SARDH: variants seen among roughly 807,000 people sequenced by gnomAD.
SARDH encodes sarcosine dehydrogenase, mitochondrial.
In SARDH, 95 loss-of-function variants were observed where a neutral mutation model predicts 109.1. The observed-to-expected ratio is 0.87, with a 90% CI of 0.74 to 1.03. SARDH has a LOEUF of 1.03. Ranked by LOEUF, SARDH falls within the 50% of genes least tolerant of loss-of-function variation. The pLI is 0.00. For synonymous variants in SARDH, 572 were observed against 534.8 expected, an observed-to-expected ratio of 1.07 and a Z score of -0.96; for missense variants, 1,267 against 1,287.8, an observed-to-expected ratio of 0.98 and a Z score of 0.25.
intron 20 of SARDH, among the ~76,000 whole-genome samples, chr9:133,665,419 C>T (rs1830029054): frequency 6.6e-6 from 1 of 152,224 alleles, no homozygotes; most frequent in Non-Finnish European, 1.5e-5. Context: ...AGGCCCTGCC[C>T]ACCGTGGGAG....
At chr9:133,664,953 C>T (rs149528929) in intron 20 of SARDH, among the ~76,000 whole-genome samples, 6 of 152,294 alleles carry the variant, frequency 3.9e-5, no homozygotes, top group South Asian at 2.1e-4. Context: ...GAGGCAGAAA[C>T]GCCTTCCCCA....
At chr9:133,705,744 C>G (rs985031994) in intron 11 of SARDH, among the ~76,000 whole-genome samples, 21 of 152,330 alleles carry the variant, frequency 1.4e-4, no homozygotes, top group East Asian at 7.7e-4. Flanking sequence ...TGGACGGAAT[C>G]ACATCCCCAC....
At chr9:133,665,790 C>CCT (rs1435453977) in intron 20 of SARDH, among the ~76,000 whole-genome samples, 5 of 152,230 alleles carry the variant, frequency 3.3e-5, no homozygotes, top group African/African-American at 1.2e-4. Flanking sequence ...CCAGCCTACC[C>CCT]CTCCTCATGG....
chr9:133,663,812 G>A lies in SARDH; in HGVS notation c.*77C>T, dbSNP rs1829961644. 2 of 1,579,042 alleles carry A rather than the reference G, an allele frequency of 1.3e-6. No individual in the cohort carries two copies. Among genetic ancestry groups the A allele is most frequent in the South Asian group, 1.2e-5 (1 of 86,488 alleles). ...AGGGCACAAGTTCTGGCTGGGTCCA[G>A]GGTCCTGGGACCCAGGGCCATTTGG... On this transcript the variant is annotated 3_prime_UTR_variant, in exon 21 of 21. Coordinates refer to ENST00000439388, the MANE Select transcript of SARDH (RefSeq NM_001134707.2).
Position 133,718,431 on chromosome 9 carries a change from T to G in SARDH, c.1020+507A>C. The G allele has an allele frequency of 8.3e-6, 4 of 482,692 alleles. No homozygotes were observed. Among genetic ancestry groups the G allele is most frequent in the Non-Finnish European group, 1.1e-5 (3 of 272,440 alleles). 29.9% of individuals were successfully genotyped at this position (482,692 alleles called of 1,614,324 possible). A position where few individuals can be genotyped will look rare whatever the true frequency, so the allele number is the denominator to read the frequency against. ...TATAGGCACCCAGAGTCAGGGACTTTTATCTTAGTTTCCCTCTTTCTCCAG... is the reference window on the plus strand; with the variant it reads ...TATAGGCACCCAGAGTCAGGGACTTGTATCTTAGTTTCCCTCTTTCTCCAG... On this transcript the variant is annotated intron_variant, in intron 7 of 20. Transcript: ENST00000439388. This position sits in a 1 kb window ranked among gnomAD's most constrained non-coding sequence, Gnocchi z 4.2.
intron 15 of SARDH, among the ~76,000 whole-genome samples, chr9:133,691,757 T>A (rs1342042291): frequency 6.6e-6 from 1 of 152,218 alleles, no homozygotes; most frequent in Non-Finnish European, 1.5e-5. Context: ...CGCGCATATT[T>A]AATGCCCATG....
intron 8 of SARDH, among the ~76,000 whole-genome samples, chr9:133,714,134 C>T (rs1227868638): frequency 2.0e-5 from 3 of 152,192 alleles, no homozygotes; most frequent in Admixed American, 6.5e-5. Context: ...CAGGGCACTT[C>T]GTTCGTGAAC....
intron 13 of SARDH, among the ~76,000 whole-genome samples, chr9:133,696,630 T>C (rs1564263007): frequency 6.6e-6 from 1 of 152,124 alleles, no homozygotes; most frequent in Admixed American, 6.5e-5. Flanking sequence ...ACAAAGGATG[T>C]CCTCTGACCG....
chr9:133,698,622 T>C (rs1831372047), intron 13 of SARDH, among the ~76,000 whole-genome samples: 1 of 152,178 alleles, frequency 6.6e-6, no homozygotes, highest in Admixed American at 6.5e-5. Context: ...AAATAAGCCC[T>C]CATCTTTACA....
chr9:133,672,366 G>A (rs954704495), intron 17 of SARDH, among the ~76,000 whole-genome samples: 18 of 152,216 alleles, frequency 1.2e-4, no homozygotes, highest in Admixed American at 1.1e-3. Context: ...AGGTTCTGAC[G>A]AGTTAGGATG....
rs1220825411 is a variant in SARDH at position 133,709,421 on chromosome 9, C to T, written c.1329-993G>A. Among the ~76,000 whole-genome samples, 5 of 152,108 alleles carry T rather than the reference C, an allele frequency of 3.3e-5. No homozygotes were observed. Among genetic ancestry groups the T allele is most frequent in the East Asian group, 1.9e-4 (1 of 5,182 alleles). ...ATCAGGGCCCTGCAGCCGCCTCCCACGCACAAACCTCCCTGTCAGCCCCCG... is the reference window on the plus strand; with the variant it reads ...ATCAGGGCCCTGCAGCCGCCTCCCATGCACAAACCTCCCTGTCAGCCCCCG... On this transcript the variant is annotated intron_variant, in intron 10 of 20. Transcript: ENST00000439388. This position sits in a 1 kb window ranked among gnomAD's most constrained non-coding sequence, Gnocchi z 4.2.
chr9:133,729,755 G>A lies in SARDH; in HGVS notation c.915+10C>T, dbSNP rs746282220. On this transcript the variant is annotated intron_variant, in intron 6 of 20. Transcript: ENST00000439388. ...ACAGACTGACACAGAACCCGGGGCT[G>A]TCCACCTACCTGAATCCCCTCGATG... 1 of 1,609,784 alleles carries A rather than the reference G, an allele frequency of 6.2e-7. No homozygotes were observed. Among genetic ancestry groups the A allele is most frequent in the Non-Finnish European group, 8.5e-7 (1 of 1,178,052 alleles).
intron 8 of SARDH, among the ~76,000 whole-genome samples, chr9:133,714,852 T>C (rs573371695): frequency 1.3e-5 from 2 of 152,268 alleles, no homozygotes; most frequent in Non-Finnish European, 2.9e-5. Context: ...GGGCTGGAAC[T>C]ATTTCTAGGC....
chr9:133,675,855 C>T (rs941360347), intron 17 of SARDH, among the ~76,000 whole-genome samples: 2 of 152,144 alleles, frequency 1.3e-5, no homozygotes, highest in African/African-American at 4.8e-5. Context: ...CTTGGGGAGG[C>T]CAAGGCAGGA....
At chr9:133,688,340 C>T (rs144965091) in intron 16 of SARDH, among the ~76,000 whole-genome samples, 1 of 152,078 alleles carries the variant, frequency 6.6e-6, no homozygotes, top group East Asian at 1.9e-4. Flanking sequence ...CCCTACCCTC[C>T]CCCGACCCTC....
At chr9:133,715,265 C>T (rs1293674654) in intron 8 of SARDH, among the ~76,000 whole-genome samples, 1 of 152,240 alleles carries the variant, frequency 6.6e-6, no homozygotes, top group Non-Finnish European at 1.5e-5. Flanking sequence ...GCCTGCACAT[C>T]TTCCCCAAAA....
At chr9:133,731,572 C>G in intron 3 of SARDH, 88 bp from the exon 4 acceptor site, 1 of 1,340,704 alleles carries the variant, frequency 7.5e-7, no homozygotes, top group Non-Finnish European at 1.0e-6. Context: ...CACCGCAAAC[C>G]CCAGCCTCAC....
chr9:133,737,719 G>A (rs145194242), intron 1 of SARDH, among the ~76,000 whole-genome samples: 111 of 152,348 alleles, frequency 7.3e-4, no homozygotes, highest in Non-Finnish European at 1.3e-3. Context: ...TCTTCTGACT[G>A]TCAGACTGGG....
At chr9:133,659,577 A>AC (rs1161744681), downstream of SARDH, among the ~76,000 whole-genome samples, 6 of 152,134 alleles carry the variant, frequency 3.9e-5, no homozygotes, top group African/African-American at 1.4e-4. Context: ...CTTCAGCAAA[A>AC]CGCTGCCCAG....
Sources: allele counts gnomAD v4.1 joint callset (sites outside exome capture counted in the v4.1 genomes callset), GRCh38; gene constraint gnomAD v4.1.1; non-coding constraint Gnocchi (gnomAD v3.1); transcripts MANE v1.5; gene names NCBI Gene and HGNC (gene_info 2026-07-23, HGNC 2026-07-21).